The following CD44 variants were observed in gnomAD, a reference collection of about 807,000 sequenced individuals.
The protein encoded by CD44 is CD44 molecule (IN blood group).
A neutral mutation model predicts 88.8 loss-of-function variants in CD44; 49 were observed. The ratio of observed to expected loss-of-function variants is 0.55; its 90% CI spans 0.44 to 0.70. The LOEUF (loss-of-function observed/expected upper bound fraction) is 0.70. Among genes scored for constraint, CD44 ranks in the 30% least tolerant of loss-of-function variants. The pLI is 0.00. For synonymous variants in CD44, 325 were observed against 312.3 expected (o/e 1.04, Z -0.43); for missense variants, 883 against 913.8 (o/e 0.97, Z 0.43).
In CD44 at chr11:35,208,132, T is replaced by A. The variant is rs1371962359; in HGVS notation, c.1442T>A (p.Leu481His). 1 of 1,611,426 alleles carries A rather than the reference T, an allele frequency of 6.2e-7. No homozygotes were observed. Among genetic ancestry groups the A allele is most frequent in the East Asian group, 2.2e-5 (1 of 44,868 alleles). ...MDMDSSHSIT[L>H]QPTANPNTGL... is the part of the protein sequence containing the mutation. ...ATGGACTCCAGTCATAGTATAACGCTTCAGCCTACTGCAAATCCAAACACA... is the reference window on the plus strand; with the variant it reads ...ATGGACTCCAGTCATAGTATAACGCATCAGCCTACTGCAAATCCAAACACA... Residue 481 changes from leucine (L) to histidine (H), a missense_variant, in exon 12 of 18, where the codon CTT becomes CAT. Physicochemically the swap from Leu to His is moderately conservative, Grantham distance 99. Around this residue, in one of 2 missense-constraint regions of CD44, gnomAD observed 631 missense variants for 590.9 expected, o/e 1.07. Coordinates refer to ENST00000428726, the MANE Select transcript of CD44 (RefSeq NM_000610.4).
intron 11 of CD44, among the ~76,000 whole-genome samples, chr11:35,207,776 G>A (rs557474384): frequency 6.6e-6 from 1 of 152,282 alleles, no homozygotes; most frequent in African/African-American, 2.4e-5. Context: ...GTGTCAGATT[G>A]CATGTTTCTA....
intron 3 of CD44, 71 bp downstream of exon 3, chr11:35,180,478 T>A (rs1944883014): frequency 1.3e-6 from 2 of 1,521,670 alleles, no homozygotes; most frequent in South Asian, 1.1e-5. Flanking sequence ...TCAGCTTAAG[T>A]GGGGATTCAT....
chr11:35,164,576 T>C (rs898300937), intron 1 of CD44, among the ~76,000 whole-genome samples: 5 of 152,202 alleles, frequency 3.3e-5, no homozygotes, highest in Admixed American at 1.3e-4. Context: ...TCTGGATGGC[T>C]GTATCTTCAA....
At chr11:35,222,997 A>G in intron 17 of CD44, 1 of 985,412 alleles carries the variant, frequency 1.0e-6, no homozygotes, top group Non-Finnish European at 1.2e-6. Context: ...ACAGTCTCTA[A>G]TTATCTGAGA....
At chr11:35,189,684 C>T in intron 4 of CD44, 151 bp from the exon 5 acceptor site, 1 of 642,740 alleles carries the variant, frequency 1.6e-6, no homozygotes, top group Non-Finnish European at 2.8e-6. Flanking sequence ...GGTGCACTTT[C>T]TTAGTGCATC....
intron 1 of CD44, among the ~76,000 whole-genome samples, chr11:35,159,301 G>C (rs996746373): frequency 1.3e-5 from 2 of 152,084 alleles, no homozygotes; most frequent in Admixed American, 1.3e-4. Flanking sequence ...ACAAGATCTG[G>C]CCACTCCCAG....
intron 1 of CD44, among the ~76,000 whole-genome samples, chr11:35,141,951 G>T (rs1858061038): frequency 6.6e-6 from 1 of 152,160 alleles, no homozygotes; most frequent in Non-Finnish European, 1.5e-5. Flanking sequence ...AGGAAACTTT[G>T]GAAAGGAGCA....
intron 1 of CD44, among the ~76,000 whole-genome samples, chr11:35,160,009 G>C (rs1243581698): frequency 1.3e-5 from 2 of 152,180 alleles, no homozygotes; most frequent in East Asian, 1.9e-4. Flanking sequence ...AGGAAAGGAG[G>C]TGGTGGAAAC....
chr11:35,189,390 AAT>A (rs1362601072), intron 4 of CD44, among the ~76,000 whole-genome samples: 4 of 152,206 alleles, frequency 2.6e-5, no homozygotes, highest in Non-Finnish European at 5.9e-5. Context: ...TTTTCGGAGG[AAT>A]ATATGGAATT....
At chr11:35,190,419 T>C (rs1946154463) in intron 5 of CD44, 1 of 285,844 alleles carries the variant, frequency 3.5e-6, no homozygotes, top group South Asian at 4.8e-5. Flanking sequence ...TCCTTCTTGT[T>C]CTTATCCACC....
rs1279579058 is a variant in CD44, at chr11:35,180,369, A to G, written c.329A>G (p.Asn110Ser). The change falls in exon 3 of 18, where the codon AAC becomes AGC. Residue 110 changes from asparagine (N) to serine (S), a missense_variant. Coordinates refer to ENST00000428726, the MANE Select transcript of CD44 (RefSeq NM_000610.4). ...NNTGVYILTS[N>S]TSQYDTYCFN... ...ACAGGGGTGTACATCCTCACATCCA[A>G]CACCTCCCAGTATGACACATATTGC... 4.3e-6 allele frequency: 7 copies of G among 1,613,984 alleles called. No individual in the cohort carries two copies. In the African/African-American group the frequency reaches 5.3e-5, roughly 12 times the overall value.
rs182438413 is a variant in CD44 at position 35,165,820 on chromosome 11, A to G, written c.68-10755A>G. 6.2e-4 allele frequency among the ~76,000 whole-genome samples: 95 copies of G among 152,282 alleles called. 1 individual carries two copies. The highest frequency in any genetic ancestry group is 2.2e-3 in the African/African-American group (90 of 41,550). On this transcript the variant is annotated intron_variant, in intron 1 of 17. Transcript: ENST00000428726. ...TAGAACCAGTGCATCCCACTCCCAGATGGGGGCCCCCGGCTTATCTCAGCA... is the reference window on the plus strand; with the variant it reads ...TAGAACCAGTGCATCCCACTCCCAGGTGGGGGCCCCCGGCTTATCTCAGCA...
intron 1 of CD44, among the ~76,000 whole-genome samples, chr11:35,156,517 TTTCTTTTGAGG>T (rs1212023627): frequency 6.6e-6 from 1 of 152,184 alleles, no homozygotes; most frequent in Non-Finnish European, 1.5e-5. Context: ...ATGGTGTATG[TTTCTTTTGAGG>T]GTGAATTTCC....
chr11:35,195,095 TG>T (rs1199478634), intron 5 of CD44, among the ~76,000 whole-genome samples: 8 of 152,342 alleles, frequency 5.3e-5, no homozygotes, highest in African/African-American at 1.9e-4. Context: ...CCTGGGTGTG[TG>T]GCTCTTAGCT....
At position 35,206,188 on chromosome 11, in the gene CD44, C is replaced by A. The variant is rs1591259802; in HGVS notation, c.1359C>A (p.Phe453Leu). 1 of 1,612,832 alleles carries A rather than the reference C, an allele frequency of 6.2e-7. No homozygotes were observed. The highest frequency in any genetic ancestry group is 2.2e-5 in the East Asian group (1 of 44,774). ...PSPEDSSWTD[F>L]FNPISHPMGR... Reference sequence around the variant, plus strand: ...CAGAGGACAGTTCCTGGACTGATTTCTTCAACCCAATCTCACACCCCATGG... The same window carrying A: ...CAGAGGACAGTTCCTGGACTGATTTATTCAACCCAATCTCACACCCCATGG... Residue 453 changes from phenylalanine to leucine, a missense_variant, in exon 11 of 18, where the codon TTC becomes TTA. Phe to Leu is a conservative substitution (Grantham distance 22). Around this residue, in one of 2 missense-constraint regions of CD44, gnomAD observed 631 missense variants for 590.9 expected, o/e 1.07. Transcript: ENST00000428726.
intron 1 of CD44, among the ~76,000 whole-genome samples, chr11:35,172,803 T>C (rs1396677221): frequency 1.3e-5 from 2 of 152,146 alleles, no homozygotes; most frequent in Non-Finnish European, 2.9e-5. Flanking sequence ...TGCCTCAAAC[T>C]AGATCCTGTT....
At chr11:35,174,281 G>C (rs1944218661) in intron 1 of CD44, among the ~76,000 whole-genome samples, 1 of 152,210 alleles carries the variant, frequency 6.6e-6, no homozygotes, top group Non-Finnish European at 1.5e-5. Flanking sequence ...CACTAGAACT[G>C]TGCAAGGAAG....
At position 35,230,505 on chromosome 11, in the gene CD44, G is replaced by A. The variant is rs16927157; in HGVS notation, c.*1172G>A. ...ATGAAAGAGATTGGCAAAGGGGAAG[G>A]ATGATGCCATGTAGATCCTGTTTGA... On this transcript the variant is annotated 3_prime_UTR_variant, in exon 18 of 18. Transcript: ENST00000428726. 26 of 152,352 alleles carry A rather than the reference G, an allele frequency of 1.7e-4. No homozygotes were observed. Among genetic ancestry groups the A allele is most frequent in the African/African-American group, 6.3e-4 (26 of 41,580 alleles). The allele number at this position is 152,352 out of a possible 1,614,324, so 9.4% of individuals were successfully genotyped here. A position where few individuals can be genotyped will look rare whatever the true frequency, so the allele number is the denominator to read the frequency against.
intron 1 of CD44, among the ~76,000 whole-genome samples, chr11:35,149,479 C>T (rs902559635): frequency 2.6e-5 from 4 of 152,164 alleles, no homozygotes; most frequent in Non-Finnish European, 5.9e-5. Flanking sequence ...ATACTTAGCA[C>T]GTAATTTCTA....
Sources: gnomAD v4.1 joint callset for allele counts (sites outside exome capture counted in the v4.1 genomes callset) on GRCh38, gnomAD v4.1.1 for gene constraint, gnomAD v4.1.1 regional missense constraint, MANE v1.5 for transcripts, NCBI Gene and HGNC (gene_info 2026-07-23, HGNC 2026-07-21) for gene names.